The following NCKAP5 variants were observed in gnomAD, a reference collection of about 807,000 sequenced individuals.
The protein encoded by NCKAP5 is NCK associated protein 5.
Under a neutral mutation model 167.0 loss-of-function variants are expected in NCKAP5, and 92 were observed. The observed-to-expected ratio is 0.55, with a 90% CI of 0.47 to 0.66. The LOEUF (loss-of-function observed/expected upper bound fraction) is 0.66, where lower values mean the gene tolerates loss of function less well. NCKAP5 is among the 30% of genes least tolerant of loss of function. NCKAP5 has a pLI of 0.00. For missense variants in NCKAP5, 2,378 were observed against 2,315.0 expected (o/e 1.03, Z -0.56); for synonymous variants, 891 against 877.4 (o/e 1.02, Z -0.27).
At chr2:132,776,195 T>A (rs945534262) in intron 15 of NCKAP5, among the ~76,000 whole-genome samples, 7 of 152,242 alleles carry the variant, frequency 4.6e-5, no homozygotes, top group Non-Finnish European at 7.3e-5. Context: ...TTTCTTAGTG[T>A]CTACCATTTA....
intron 4 of NCKAP5, among the ~76,000 whole-genome samples, chr2:133,289,613 C>T (rs542925779): frequency 1.3e-5 from 2 of 151,996 alleles, no homozygotes; most frequent in East Asian, 1.9e-4. Flanking sequence ...ATTGCTTGAA[C>T]CCAGGAGGTG....
At chr2:132,764,698 GA>G (rs2104884336) in intron 16 of NCKAP5, among the ~76,000 whole-genome samples, 1 of 152,280 alleles carries the variant, frequency 6.6e-6, no homozygotes, top group African/African-American at 2.4e-5. Flanking sequence ...AAGTTATTGA[GA>G]ACATTTGCAC....
At chr2:133,239,532 C>T (rs1460893960) in intron 4 of NCKAP5, among the ~76,000 whole-genome samples, 1 of 152,128 alleles carries the variant, frequency 6.6e-6, no homozygotes, top group Non-Finnish European at 1.5e-5. Flanking sequence ...TGTTATAGAA[C>T]TAGACTATAG....
Position 133,049,334 on chromosome 2 carries a change from AG to A in NCKAP5, c.342-55096del, listed in dbSNP as rs1414504323. Among the ~76,000 whole-genome samples the A allele has an allele frequency of 3.3e-5, 5 of 152,130 alleles. No homozygotes were observed. The East Asian group carries it at 9.7e-4, about 29-fold the overall frequency. ...GCCTAGGCGGGTGGATCCCGAGGTC[AG>A]GAGATTGAGAGCATCCTGGCTAACA... On this transcript the variant is annotated intron_variant, in intron 6 of 19. Transcript: ENST00000409261.
chr2:133,606,158 A>G, the NCKAP5 span, among the ~76,000 whole-genome samples: 1 of 152,324 alleles, frequency 6.6e-6, no homozygotes, highest in East Asian at 1.9e-4. Flanking sequence ...TTGAAGGCAG[A>G]ATTTCTTAAG....
chr2:132,985,198 G>T (rs1200206127), intron 7 of NCKAP5, among the ~76,000 whole-genome samples: 2 of 151,952 alleles, frequency 1.3e-5, no homozygotes, highest in Non-Finnish European at 2.9e-5. Context: ...TCGGTTCAGG[G>T]TCAAAACGTC....
intron 3 of NCKAP5, among the ~76,000 whole-genome samples, chr2:133,308,644 A>G (rs928619347): frequency 1.3e-5 from 2 of 151,366 alleles, no homozygotes; most frequent in Non-Finnish European, 2.9e-5. Flanking sequence ...AACTATAGAA[A>G]TAATTAAAAT....
At chr2:132,836,611 C>T (rs562612426) in intron 11 of NCKAP5, among the ~76,000 whole-genome samples, 22 of 152,102 alleles carry the variant, frequency 1.4e-4, no homozygotes, top group Middle Eastern at 3.4e-3. Context: ...AGTTCTTTAG[C>T]GGTGATTTGT....
intron 3 of NCKAP5, among the ~76,000 whole-genome samples, chr2:133,350,669 T>C (rs747768819): frequency 6.6e-6 from 1 of 152,106 alleles, no homozygotes; most frequent in African/African-American, 2.4e-5. Flanking sequence ...TAATAAATTA[T>C]GGTCATCCCA....
At chr2:133,249,253 A>G (rs1014333634) in intron 4 of NCKAP5, among the ~76,000 whole-genome samples, 3 of 152,186 alleles carry the variant, frequency 2.0e-5, no homozygotes, top group African/African-American at 7.2e-5. Context: ...AATGCAATTA[A>G]CAAAGGTCCT....
chr2:132,833,833 A>G (rs1353120398), intron 11 of NCKAP5, among the ~76,000 whole-genome samples: 3 of 151,986 alleles, frequency 2.0e-5, no homozygotes, highest in Admixed American at 1.3e-4. Context: ...GATTACTTTG[A>G]CTATTTGGGG....
At chr2:133,584,221 G>T in the NCKAP5 span, among the ~76,000 whole-genome samples, 15 of 152,240 alleles carry the variant, frequency 9.9e-5, 1 homozygote, top group East Asian at 2.9e-3. Context: ...CACATAAAAT[G>T]AGCTAAATTT....
At chr2:133,443,823 T>C (rs1468278781) in intron 3 of NCKAP5, among the ~76,000 whole-genome samples, 1 of 152,194 alleles carries the variant, frequency 6.6e-6, no homozygotes, top group Non-Finnish European at 1.5e-5. Context: ...CTCCTGGTGA[T>C]CTTTTCTTTT....
At chr2:132,992,684 T>C (rs966363616) in intron 7 of NCKAP5, among the ~76,000 whole-genome samples, 1 of 152,190 alleles carries the variant, frequency 6.6e-6, no homozygotes, top group Non-Finnish European at 1.5e-5. Context: ...ACTAAAATTT[T>C]TTCCCTTTCT....
At chr2:133,232,389 C>T (rs1012060840) in intron 4 of NCKAP5, among the ~76,000 whole-genome samples, 2 of 152,088 alleles carry the variant, frequency 1.3e-5, no homozygotes, top group Admixed American at 6.5e-5. Flanking sequence ...TATATTTCTG[C>T]TTTGGAGAAG....
At chr2:132,779,077 T>A (rs570466642) in intron 15 of NCKAP5, among the ~76,000 whole-genome samples, 2 of 152,266 alleles carry the variant, frequency 1.3e-5, no homozygotes, top group African/African-American at 4.8e-5. Context: ...ACTGGAAAAA[T>A]CATCATATGG....
chr2:132,764,418 T>TTTTGAGTTTATCAC (rs1466241228), intron 16 of NCKAP5, among the ~76,000 whole-genome samples: 1 of 152,230 alleles, frequency 6.6e-6, no homozygotes, highest in African/African-American at 2.4e-5. Context: ...AATCTCTCCC[T>TTTTGAGTTTATCAC]TTTGAGTTTA....
the NCKAP5 span, among the ~76,000 whole-genome samples, chr2:133,648,651 A>G: frequency 9.4e-4 from 143 of 152,248 alleles, no homozygotes; most frequent in African/African-American, 3.2e-3. Flanking sequence ...CTCTTTAACA[A>G]CTATTCAAAA....
chr2:133,137,252 T>C (rs769496181), intron 5 of NCKAP5, among the ~76,000 whole-genome samples: 15 of 152,288 alleles, frequency 9.8e-5, no homozygotes, highest in Middle Eastern at 3.4e-3. Context: ...ATTGATTTTT[T>C]AAAAACCCGT....
Sources: gnomAD v4.1 joint callset for allele counts (sites outside exome capture counted in the v4.1 genomes callset) on GRCh38, gnomAD v4.1.1 for gene constraint, MANE v1.5 for transcripts, NCBI Gene and HGNC (gene_info 2026-07-23, HGNC 2026-07-21) for gene names.